Variants in SLC25A18 observed in about 807,000 individuals in gnomAD.
SLC25A18 encodes the protein mitochondrial glutamate carrier 2.
A neutral mutation model predicts 31.1 loss-of-function variants in SLC25A18; 24 were observed. The observed-to-expected ratio is 0.77, with a 90% CI of 0.56 to 1.08. The LOEUF (loss-of-function observed/expected upper bound fraction) is 1.08. Ranked by LOEUF, SLC25A18 falls within the 50% of genes least tolerant of loss-of-function variation. SLC25A18 has a pLI of 0.00. For synonymous variants in SLC25A18, 173 were observed against 161.9 expected (o/e 1.07, Z -0.52); for missense variants, 371 against 418.5 (o/e 0.89, Z 0.99).
chr22:17,580,210 T>C (rs952964044), intron 3 of SLC25A18: 2 of 421,454 alleles, frequency 4.7e-6, no homozygotes, highest in Non-Finnish European at 8.3e-6. Flanking sequence ...ACTACAAAAT[T>C]AAGTTTACAG....
intron 2 of SLC25A18, among the ~76,000 whole-genome samples, chr22:17,573,228 A>C (rs1212601937): frequency 1.3e-5 from 2 of 152,080 alleles, no homozygotes; most frequent in Non-Finnish European, 2.9e-5. Flanking sequence ...TTAGCTCATT[A>C]TTTTCTAGCA....
intron 2 of SLC25A18, 94 bp from the exon 3 acceptor site, chr22:17,579,651 G>A: frequency 9.3e-7 from 1 of 1,072,492 alleles, no homozygotes; most frequent in South Asian, 3.5e-5. Flanking sequence ...GGTTTAGGAA[G>A]GGAAAAAAGT....
chr22:17,587,317 G>T lies in SLC25A18; in HGVS notation c.575+16G>T. ...CTCTCCTCAGGTGAGCCTTTCTTCC[G>T]GTTCCCTAGGACAAGTGCACGGGGG... is the stretch of plus-strand genomic sequence containing the variant. On this transcript the variant is annotated intron_variant, in intron 8 of 10. Coordinates refer to ENST00000327451, the MANE Select transcript of SLC25A18 (RefSeq NM_031481.3). 1 of 1,604,884 alleles carries T rather than the reference G, an allele frequency of 6.2e-7. No homozygotes were observed.
Position 17,569,939 on chromosome 22 carries a change from A to C in SLC25A18, c.-248A>C, listed in dbSNP as rs771349747. 132 of 985,340 alleles carry C rather than the reference A, an allele frequency of 1.3e-4. No individual in the cohort carries two copies. The highest frequency in any genetic ancestry group is 1.5e-4 in the Non-Finnish European group (127 of 829,998). 61.0% of individuals were successfully genotyped at this position (985,340 alleles called of 1,614,324 possible). A position where few individuals can be genotyped will look rare whatever the true frequency, so the allele number is the denominator to read the frequency against. ...CTCCCTGCAGCTCAGCAGCGATCTG[A>C]ACTATATCCTGGGTTCCAGAAAAGG... On this transcript the variant is annotated 5_prime_UTR_variant, in exon 2 of 11. Transcript: ENST00000327451.
At position 17,590,683 on chromosome 22, in the gene SLC25A18, G is replaced by A. The variant is rs1390411506; in HGVS notation, c.*447G>A. 6.5e-6 allele frequency: 1 copy of A among 154,378 alleles called. No individual in the cohort carries two copies. The highest frequency in any genetic ancestry group is 1.4e-5 in the Non-Finnish European group (1 of 69,396). 9.6% of individuals were successfully genotyped at this position (154,378 alleles called of 1,614,324 possible). A position where few individuals can be genotyped will look rare whatever the true frequency, so the allele number is the denominator to read the frequency against. ...TCCTAGCACTGATTTTGAGGAAAAG[G>A]AGGATCAGAAGTTCAAGGGACCGTG... On this transcript the variant is annotated 3_prime_UTR_variant, in exon 11 of 11. Coordinates refer to ENST00000327451, the MANE Select transcript of SLC25A18 (RefSeq NM_031481.3).
intron 2 of SLC25A18, among the ~76,000 whole-genome samples, chr22:17,576,076 G>A (rs549623899): frequency 3.3e-5 from 5 of 152,260 alleles, no homozygotes; most frequent in Non-Finnish European, 7.4e-5. Flanking sequence ...AGAGGAGGCC[G>A]GGCATGGTGG....
At chr22:17,576,834 G>A (rs1209300890) in intron 2 of SLC25A18, among the ~76,000 whole-genome samples, 1 of 152,314 alleles carries the variant, frequency 6.6e-6, no homozygotes, top group East Asian at 1.9e-4. Flanking sequence ...CTATGCTATG[G>A]AGTGGCCCTG....
chr22:17,564,387 G>C (rs762531685), intron 1 of SLC25A18, among the ~76,000 whole-genome samples: 1 of 152,176 alleles, frequency 6.6e-6, no homozygotes, highest in Non-Finnish European at 1.5e-5. Context: ...GCTCTCTCTT[G>C]TAACTAGCAA....
Position 17,583,551 on chromosome 22 carries a change from C to A in SLC25A18, c.409+17C>A. ...GACGCCTGGGTGAGGCCTGTCCCCA[C>A]CTCCTATGGGAACAGTAAAGGGCTG... is the stretch of plus-strand genomic sequence containing the variant. On this transcript the variant is annotated intron_variant, in intron 7 of 10. Coordinates refer to ENST00000327451, the MANE Select transcript of SLC25A18 (RefSeq NM_031481.3). 1 of 1,612,004 alleles carries A rather than the reference C, an allele frequency of 6.2e-7. No individual in the cohort carries two copies. Among genetic ancestry groups the A allele is most frequent in the Non-Finnish European group, 8.5e-7 (1 of 1,179,772 alleles).
chr22:17,571,199 A>G (rs747852582), intron 2 of SLC25A18, among the ~76,000 whole-genome samples: 14 of 152,156 alleles, frequency 9.2e-5, no homozygotes, highest in Non-Finnish European at 1.8e-4. Flanking sequence ...TGGAAGGTGG[A>G]TTTGAAGGCA....
At position 17,579,971 on chromosome 22, in the gene SLC25A18, T is replaced by G; in HGVS notation, c.20+7T>G. 1.2e-6 allele frequency: 2 copies of G among 1,609,888 alleles called. No individual in the cohort carries two copies. Among genetic ancestry groups the G allele is most frequent in the African/African-American group, 2.7e-5 (2 of 74,990 alleles). ...TGACCCACCAGGATCTGAGGTGAGC[T>G]CGGCTGGGGCAGCCTGAGGCCCTGG... On this transcript the variant is annotated splice_region_variant and intron_variant, in intron 3 of 10. Transcript: ENST00000327451.
chr22:17,585,771 C>T (rs571751437), intron 7 of SLC25A18, among the ~76,000 whole-genome samples: 196 of 151,772 alleles, frequency 1.3e-3, no homozygotes, highest in African/African-American at 4.4e-3. Flanking sequence ...GCCTCAGCCT[C>T]CTGAGTAGCT....
At chr22:17,587,742 T>C (rs2057592515) in intron 8 of SLC25A18, 183 bp from the exon 9 acceptor site, 2 of 681,058 alleles carry the variant, frequency 2.9e-6, no homozygotes, top group Non-Finnish European at 4.9e-6. Flanking sequence ...GCGGAACAGA[T>C]GGCAACAGCT....
chr22:17,569,519 A>G (rs2057033109), intron 1 of SLC25A18: 3 of 726,906 alleles, frequency 4.1e-6, no homozygotes, highest in Non-Finnish European at 5.0e-6. Context: ...TGAGAAGCAG[A>G]GATTTGCTTC....
At chr22:17,587,588 G>A (rs569189579) in intron 8 of SLC25A18, among the ~76,000 whole-genome samples, 17 of 152,310 alleles carry the variant, frequency 1.1e-4, no homozygotes, top group Non-Finnish European at 1.5e-5. Flanking sequence ...ACAGAGGACC[G>A]CAGAGTTCAT....
chr22:17,581,643 G>T, intron 5 of SLC25A18: 1 of 556,184 alleles, frequency 1.8e-6, no homozygotes, highest in Middle Eastern at 4.8e-4. Context: ...GAGCAGGCGA[G>T]CCCTCCCTAC....
At chr22:17,583,612 A>C in intron 7 of SLC25A18, 78 bp downstream of exon 7, 3 of 1,534,956 alleles carry the variant, frequency 2.0e-6, no homozygotes, top group Non-Finnish European at 2.6e-6. Flanking sequence ...TCCCAACCTC[A>C]TTTGCTAGGC....
intron 7 of SLC25A18, among the ~76,000 whole-genome samples, chr22:17,586,789 C>A (rs916697996): frequency 5.9e-5 from 9 of 152,090 alleles, no homozygotes; most frequent in Non-Finnish European, 1.0e-4. Flanking sequence ...CCTACATAGG[C>A]TGAGAAATGG....
chr22:17,570,808 A>G (rs1369617929), intron 2 of SLC25A18, among the ~76,000 whole-genome samples: 1 of 152,174 alleles, frequency 6.6e-6, no homozygotes, highest in Non-Finnish European at 1.5e-5. Flanking sequence ...TAACTCACAA[A>G]TAACTGGTAA....
Sources: gnomAD v4.1 joint callset for allele counts (sites outside exome capture counted in the v4.1 genomes callset) on GRCh38, gnomAD v4.1.1 for gene constraint, MANE v1.5 for transcripts, NCBI Gene and HGNC (gene_info 2026-07-23, HGNC 2026-07-21) for gene names.